The following RYR2 variants were observed in gnomAD, a reference collection of about 807,000 sequenced individuals.
The protein encoded by RYR2 is cardiac muscle ryanodine receptor-calcium release channel.
Under a neutral mutation model 601.1 loss-of-function variants are expected in RYR2, and 227 were observed. The ratio of observed to expected loss-of-function variants is 0.38; its 90% CI spans 0.34 to 0.42. The LOEUF (loss-of-function observed/expected upper bound fraction) is 0.42. RYR2 is among the 10% of genes least tolerant of loss of function. RYR2 has a pLI of 1.00. For synonymous variants in RYR2, 2,223 were observed against 2,175.1 expected (o/e 1.02, Z -0.61); for missense variants, 4,646 against 6,156.5 (o/e 0.75, Z 8.21).
intron 27 of RYR2, 23 bp from the exon 28 acceptor site, chr1:237,566,544 A>G (rs1383396428): frequency 1.9e-6 from 3 of 1,607,438 alleles, no homozygotes; most frequent in Admixed American, 1.7e-5. Context: ...AATGACCACC[A>G]GAAATCTCTG....
At chr1:237,564,264 G>C (rs1930312) in intron 27 of RYR2, among the ~76,000 whole-genome samples, 3,907 of 151,996 alleles carry the variant, frequency 0.026, 166 homozygotes, top group African/African-American at 0.088. Flanking sequence ...CTGAGAACGA[G>C]TTTCTTTCTT....
intron 41 of RYR2, 107 bp downstream of exon 41, chr1:237,628,187 A>G: frequency 8.0e-7 from 1 of 1,254,696 alleles, no homozygotes; most frequent in Non-Finnish European, 1.1e-6. Context: ...TGTCTGGATT[A>G]TACGATTATT....
intron 2 of RYR2, among the ~76,000 whole-genome samples, chr1:237,288,228 A>G (rs921763009): frequency 2.0e-5 from 3 of 152,062 alleles, no homozygotes; most frequent in East Asian, 3.9e-4. Context: ...CGAGTGTGCA[A>G]TGGACTCCAT....
At chr1:237,176,207 A>G (rs1393592046) in intron 1 of RYR2, among the ~76,000 whole-genome samples, 1 of 150,626 alleles carries the variant, frequency 6.6e-6, no homozygotes, top group Non-Finnish European at 1.5e-5. Context: ...ACTGCACTTC[A>G]GCCTGGGCGA....
rs10637217 is a variant in RYR2, at chr1:237,803,311, C to CTTTTT, written c.14151+1401_14151+1405dup. Among the ~76,000 whole-genome samples the CTTTTT allele has an allele frequency of 9.3e-4, 137 of 148,020 alleles. 1 individual carries two copies. Among genetic ancestry groups the CTTTTT allele is most frequent in the Middle Eastern group, 7.1e-3 (2 of 282 alleles). On this transcript the variant is annotated intron_variant, in intron 98 of 104. Transcript: ENST00000366574. ...CCTTTTCCTCAGTCTTTGCATTTTT[C>CTTTTT]TTTTTTTTTTGAGACAGAGTCTTGC...
chr1:237,664,456 G>C (rs144402582), intron 56 of RYR2, among the ~76,000 whole-genome samples: 1 of 152,174 alleles, frequency 6.6e-6, no homozygotes, highest in Non-Finnish European at 1.5e-5. Context: ...ACAGTTCCAC[G>C]TGGCTGCGGA....
chr1:237,164,934 A>C (rs1461618295), intron 1 of RYR2, among the ~76,000 whole-genome samples: 1 of 151,300 alleles, frequency 6.6e-6, no homozygotes, highest in Non-Finnish European at 1.5e-5. Context: ...TCAGAGAATT[A>C]TTTGCTATGT....
intron 64 of RYR2, among the ~76,000 whole-genome samples, chr1:237,699,247 G>A (rs1008461359): frequency 6.6e-6 from 1 of 152,112 alleles, no homozygotes; most frequent in Non-Finnish European, 1.5e-5. Context: ...TTCTGTAGCA[G>A]CTAGGACCAT....
chr1:237,616,148 G>T (rs1333579708), intron 37 of RYR2, among the ~76,000 whole-genome samples: 4 of 152,160 alleles, frequency 2.6e-5, no homozygotes, highest in Non-Finnish European at 4.4e-5. Flanking sequence ...GAGAAAAGGG[G>T]TTGGACACTG....
intron 1 of RYR2, among the ~76,000 whole-genome samples, chr1:237,258,750 T>C (rs1688235334): frequency 6.6e-6 from 1 of 152,158 alleles, no homozygotes; most frequent in Admixed American, 6.5e-5. Context: ...ACTGAATCAG[T>C]TGGTTGACAA....
chr1:237,617,334 A>G lies in RYR2; in HGVS notation c.5764A>G (p.Ile1922Val), dbSNP rs374874044. 6.2e-7 allele frequency: 1 copy of G among 1,613,860 alleles called. No homozygotes were observed. The highest frequency in any genetic ancestry group is 8.5e-7 in the Non-Finnish European group (1 of 1,179,818). ...CTGTGACTGCCAGGTCCGGCACCGG[A>G]TAGAAGCCATTGTAGCCTTTTCAGA... ...YLCDCQVRHRIEAIVAFSDDF... is the reference protein window; with the variant it reads ...YLCDCQVRHRVEAIVAFSDDF... Residue 1922 changes from isoleucine to valine, a missense_variant, in exon 38 of 105, where the codon ATA (isoleucine) becomes GTA (valine). This residue lies in a region of RYR2 where 1,807 missense variants were observed against 2,088.1 expected (regional missense o/e 0.87). Coordinates refer to ENST00000366574, the MANE Select transcript of RYR2 (RefSeq NM_001035.3).
intron 7 of RYR2, 148 bp downstream of exon 7, chr1:237,374,943 G>T: frequency 3.1e-6 from 2 of 636,362 alleles, no homozygotes; most frequent in South Asian, 3.9e-5. Flanking sequence ...TTCCTAGAAG[G>T]GGAAAGTGTA....
intron 10 of RYR2, among the ~76,000 whole-genome samples, chr1:237,400,659 C>A (rs890976494): frequency 1.3e-5 from 2 of 152,028 alleles, no homozygotes; most frequent in Admixed American, 1.3e-4. Flanking sequence ...TAATAGTAGA[C>A]ATTATTTATA....
In RYR2 at chr1:237,801,367, C is replaced by CAAAAA. The variant is rs71162423; in HGVS notation, c.14091-468_14091-464dup. The stretch of plus-strand genomic sequence containing the variant: ...CCAACATGATGAAACCCCATCTCTA[C>CAAAAA]AAAAAAAAAAAAAAAAAAAAAAAAA... On this transcript the variant is annotated intron_variant, in intron 97 of 104. Transcript: ENST00000366574. 1.5e-3 allele frequency among the ~76,000 whole-genome samples: 145 copies of CAAAAA among 95,452 alleles called. 5 individuals are homozygous for CAAAAA. Among genetic ancestry groups the CAAAAA allele is most frequent in the South Asian group, 0.014 (37 of 2,722 alleles). 62.6% of individuals were successfully genotyped at this position (95,452 alleles called of 152,430 possible).
chr1:237,803,544 A>AC (rs1445594034), intron 98 of RYR2, among the ~76,000 whole-genome samples: 1 of 151,908 alleles, frequency 6.6e-6, no homozygotes, highest in Non-Finnish European at 1.5e-5. Flanking sequence ...TCGTGAACCG[A>AC]CCGCCTTGGC....
chr1:237,492,063 A>G, intron 18 of RYR2, 139 bp downstream of exon 18: 1 of 554,424 alleles, frequency 1.8e-6, no homozygotes, highest in Non-Finnish European at 3.3e-6. Context: ...GATGCAGTCG[A>G]GCTCTGTCGC....
In RYR2 at chr1:237,042,458, GGCC is replaced by G. The variant is rs794728699; in HGVS notation, c.-50_-48del. Reference sequence around the variant, plus strand: ...AGCAGAAGCAGAAGGCAGCGCCAGGGGCCGCCGCCGCCGCCGAGCTCCGCGGGG... The same window carrying G: ...AGCAGAAGCAGAAGGCAGCGCCAGGGGCCGCCGCCGCCGAGCTCCGCGGGG... On this transcript the variant is annotated 5_prime_UTR_variant, in exon 1 of 105. Transcript: ENST00000366574. 34 of 1,227,442 alleles carry G rather than the reference GGCC, an allele frequency of 2.8e-5. No homozygotes were observed. Among genetic ancestry groups the G allele is most frequent in the East Asian group, 1.3e-4 (4 of 30,858 alleles). The allele number at this position is 1,227,442 out of a possible 1,614,324, so 76.0% of individuals were successfully genotyped here.
Position 237,369,520 on chromosome 1 carries a change from T to C in RYR2, c.310-14T>C. The C allele has an allele frequency of 6.4e-7, 1 of 1,554,884 alleles. No homozygotes were observed. Among genetic ancestry groups the C allele is most frequent in the East Asian group, 2.4e-5 (1 of 41,682 alleles). ...TTTTCTCTCTTGTTCTCCTTTTTTC[T>C]CTTCTCTCTAAAGACTGCTCAAGGT... On this transcript the variant is annotated splice_polypyrimidine_tract_variant and intron_variant, in intron 5 of 104. Coordinates refer to ENST00000366574, the MANE Select transcript of RYR2 (RefSeq NM_001035.3).
At chr1:237,267,011 G>C (rs1278370075) in intron 1 of RYR2, among the ~76,000 whole-genome samples, 1 of 152,220 alleles carries the variant, frequency 6.6e-6, no homozygotes, top group Non-Finnish European at 1.5e-5. Flanking sequence ...CTTTGCGTAA[G>C]TGAGTTGGTC....
Sources: allele counts gnomAD v4.1 joint callset (sites outside exome capture counted in the v4.1 genomes callset), GRCh38; gene constraint gnomAD v4.1.1; regional missense constraint gnomAD v4.1.1; transcripts MANE v1.5; gene names NCBI Gene and HGNC (gene_info 2026-07-23, HGNC 2026-07-21).